VPS13B: variants seen among roughly 807,000 people sequenced by gnomAD.
VPS13B encodes the protein intermembrane lipid transfer protein VPS13B.
In VPS13B, 285 loss-of-function variants were observed where a neutral mutation model predicts 426.4. That is an observed-to-expected ratio of 0.67 (90% CI 0.61 to 0.74). The LOEUF (loss-of-function observed/expected upper bound fraction) is 0.74. Among genes scored for constraint, VPS13B ranks in the 30% least tolerant of loss-of-function variants. The pLI, the probability that VPS13B is intolerant of heterozygous loss-of-function variation, is 0.00. For missense variants in VPS13B, 4,537 were observed against 4,782.6 expected, an observed-to-expected ratio of 0.95 and a Z score of 1.51; for synonymous variants, 1,676 against 1,676.4, an observed-to-expected ratio of 1.00 and a Z score of 0.01.
At chr8:99,159,943 C>T (rs1811555017) in intron 15 of VPS13B, among the ~76,000 whole-genome samples, 1 of 152,116 alleles carries the variant, frequency 6.6e-6, no homozygotes, top group Non-Finnish European at 1.5e-5. Flanking sequence ...CAGGTGTGAA[C>T]CACTGTGCCC....
chr8:99,053,759 G>A lies in VPS13B; in HGVS notation c.291+15193G>A, dbSNP rs374785261. Among the ~76,000 whole-genome samples, 40 of 149,874 alleles carry A rather than the reference G, an allele frequency of 2.7e-4. 1 individual carries two copies. The highest frequency in any genetic ancestry group is 6.9e-4 in the African/African-American group (28 of 40,750). On this transcript the variant is annotated intron_variant, in intron 3 of 61. Coordinates refer to ENST00000357162, the MANE Select transcript of VPS13B (RefSeq NM_152564.5). ...ACTTGGCCACCCAGGCTGGAGTGCA[G>A]CGGTACAGTTCCAGTTCACTTCAAC...
chr8:99,521,615 A>G (rs1822382861), intron 30 of VPS13B, among the ~76,000 whole-genome samples: 1 of 152,238 alleles, frequency 6.6e-6, no homozygotes, highest in Non-Finnish European at 1.5e-5. Context: ...TTCATACTGA[A>G]GTTGGCACTG....
At chr8:99,018,763 T>C (rs1841742084) in intron 2 of VPS13B, among the ~76,000 whole-genome samples, 1 of 122,472 alleles carries the variant, frequency 8.2e-6, no homozygotes, top group African/African-American at 3.3e-5. Flanking sequence ...GATTCTTTTC[T>C]ATTAATGATT....
At chr8:99,341,226 G>T in intron 19 of VPS13B, 1 of 181,150 alleles carries the variant, frequency 5.5e-6, no homozygotes, top group South Asian at 1.3e-4. Flanking sequence ...ATAGCAAAAT[G>T]CTTCTCGTAG....
intron 3 of VPS13B, among the ~76,000 whole-genome samples, chr8:99,065,973 T>C (rs1844480663): frequency 6.6e-6 from 1 of 152,172 alleles, no homozygotes; most frequent in Non-Finnish European, 1.5e-5. Context: ...CAAGGAGAAC[T>C]ACAAACCACT....
At chr8:99,027,582 TTA>T (rs1228526540) in intron 2 of VPS13B, among the ~76,000 whole-genome samples, 2 of 152,084 alleles carry the variant, frequency 1.3e-5, no homozygotes, top group Non-Finnish European at 2.9e-5. Flanking sequence ...CTGGGAGATT[TTA>T]GTTTTCCTTC....
intron 21 of VPS13B, among the ~76,000 whole-genome samples, chr8:99,427,580 G>T (rs1489239025): frequency 6.6e-6 from 1 of 151,998 alleles, no homozygotes; most frequent in Non-Finnish European, 1.5e-5. Flanking sequence ...AACTTACAAG[G>T]GACGTGAAGG....
At chr8:99,100,109 G>A (rs941116488) in intron 4 of VPS13B, among the ~76,000 whole-genome samples, 1 of 151,872 alleles carries the variant, frequency 6.6e-6, no homozygotes, top group Non-Finnish European at 1.5e-5. Context: ...TTATAGAGAC[G>A]GTTTGTCATT....
chr8:99,540,923 A>C (rs1431769746), intron 30 of VPS13B, among the ~76,000 whole-genome samples: 1 of 152,054 alleles, frequency 6.6e-6, no homozygotes, highest in African/African-American at 2.4e-5. Context: ...TATTTTCTTA[A>C]AGTGTATAGA....
Position 99,250,664 on chromosome 8 carries a change from C to CTTTTTTTTTTTTTTTTTTTTTTTTTT in VPS13B, c.2516-23521_2516-23496dup, listed in dbSNP as rs60698750. Among the ~76,000 whole-genome samples, 3 of 35,770 alleles carry CTTTTTTTTTTTTTTTTTTTTTTTTTT rather than the reference C, an allele frequency of 8.4e-5. 1 individual carries two copies. The highest frequency in any genetic ancestry group is 1.4e-4 in the Non-Finnish European group (3 of 21,418). 23.5% of individuals were successfully genotyped at this position (35,770 alleles called of 152,430 possible). A position where few individuals can be genotyped will look rare whatever the true frequency, so the allele number is the denominator to read the frequency against. On this transcript the variant is annotated intron_variant, in intron 17 of 61. Transcript: ENST00000357162. ...CTGTCCACTAATCCGTGTGTTTATT[C>CTTTTTTTTTTTTTTTTTTTTTTTTTT]TTTTTTTTTTTTTTTTTTTTTTTTT...
chr8:99,206,364 T>C (rs982544669), intron 17 of VPS13B, among the ~76,000 whole-genome samples: 1 of 152,232 alleles, frequency 6.6e-6, no homozygotes, highest in Non-Finnish European at 1.5e-5. Context: ...AAGTATTTTA[T>C]GCAACATTTC....
At chr8:99,713,796 A>G (rs571745599) in intron 36 of VPS13B, among the ~76,000 whole-genome samples, 68 of 152,300 alleles carry the variant, frequency 4.5e-4, no homozygotes, top group African/African-American at 1.6e-3. Context: ...TAAAAATACA[A>G]GATGAGCCTG....
intron 33 of VPS13B, among the ~76,000 whole-genome samples, chr8:99,599,568 T>C (rs1436951664): frequency 3.3e-5 from 5 of 152,114 alleles, no homozygotes; most frequent in East Asian, 3.9e-4. Context: ...TTTGTACTTT[T>C]CTAACAAGCA....
chr8:99,256,187 C>G (rs892184824), intron 17 of VPS13B, among the ~76,000 whole-genome samples: 32 of 152,136 alleles, frequency 2.1e-4, no homozygotes, highest in Non-Finnish European at 5.9e-5. Context: ...ATGAGCAAAA[C>G]AAAACCCGTG....
chr8:99,083,243 C>T (rs1845584834), intron 3 of VPS13B, among the ~76,000 whole-genome samples: 1 of 152,152 alleles, frequency 6.6e-6, no homozygotes, highest in East Asian at 1.9e-4. Context: ...GGAGTTCACT[C>T]ATGATTTGGC....
chr8:99,641,811 A>T lies in VPS13B; in HGVS notation c.5221A>T (p.Ile1741Phe), dbSNP rs571859887. ...GLEPSNKAAE[I>F]SKQEQKKVDI... ...ATATTTTATTACTTTTTTCTTACAG[A>T]TCTCTAAACAAGAACAGAAAAAAGT... is the stretch of plus-strand genomic sequence containing the variant. The change falls in exon 34 of 62, where the codon ATC becomes TTC. Residue 1741 changes from isoleucine to phenylalanine, a missense_variant and splice_region_variant. Ile to Phe is a conservative substitution (Grantham distance 21, BLOSUM62 0). Coordinates refer to ENST00000357162, the MANE Select transcript of VPS13B (RefSeq NM_152564.5). 2.9e-5 allele frequency: 46 copies of T among 1,606,290 alleles called. No homozygotes were observed. In the South Asian group the frequency reaches 5.1e-4, roughly 18 times the overall value.
intron 19 of VPS13B, among the ~76,000 whole-genome samples, chr8:99,339,353 C>T (rs764928373): frequency 6.6e-5 from 10 of 151,572 alleles, no homozygotes; most frequent in Non-Finnish European, 1.3e-4. Flanking sequence ...CCTCAGGAAG[C>T]TTAAAATCGT....
intron 16 of VPS13B, among the ~76,000 whole-genome samples, chr8:99,173,974 A>T (rs564090194): frequency 1.3e-5 from 2 of 152,236 alleles, no homozygotes; most frequent in Non-Finnish European, 2.9e-5. Context: ...AGCATTAAGT[A>T]CATTCACATT....
At chr8:99,738,789 T>C (rs781776460) in intron 39 of VPS13B, among the ~76,000 whole-genome samples, 1 of 152,232 alleles carries the variant, frequency 6.6e-6, no homozygotes, top group African/African-American at 2.4e-5. Context: ...TTTACTAATG[T>C]TTAGTGCTAG....
Sources: allele counts gnomAD v4.1 joint callset (sites outside exome capture counted in the v4.1 genomes callset), GRCh38; gene constraint gnomAD v4.1.1; transcripts MANE v1.5; gene names NCBI Gene and HGNC (gene_info 2026-07-23, HGNC 2026-07-21).